Variants in DCLK2 observed in about 807,000 individuals in gnomAD.
The protein encoded by DCLK2 is serine/threonine-protein kinase DCLK2.
Under a neutral mutation model 78.4 loss-of-function variants are expected in DCLK2, and 31 were observed. The observed-to-expected ratio is 0.40, with a 90% CI of 0.30 to 0.53. The LOEUF (loss-of-function observed/expected upper bound fraction) is 0.53. Ranked by LOEUF, DCLK2 falls within the 20% of genes least tolerant of loss-of-function variation. The pLI is 0.61. For missense variants in DCLK2, 872 were observed against 973.7 expected, an observed-to-expected ratio of 0.90 and a Z score of 1.39; for synonymous variants, 407 against 374.9, an observed-to-expected ratio of 1.09 and a Z score of -0.99.
At chr4:150,122,022 A>G (rs1732584167) in intron 2 of DCLK2, among the ~76,000 whole-genome samples, 1 of 152,240 alleles carries the variant, frequency 6.6e-6, no homozygotes, top group Non-Finnish European at 1.5e-5. Context: ...TGTTCCATTT[A>G]TAGAGCACAG....
intron 2 of DCLK2, among the ~76,000 whole-genome samples, chr4:150,183,724 T>G (rs1737699059): frequency 1.3e-5 from 2 of 151,438 alleles, no homozygotes; most frequent in South Asian, 4.2e-4. Flanking sequence ...TTTTGATTTC[T>G]TTTTTTCTTT....
At chr4:150,240,563 C>A in intron 12 of DCLK2, 87 bp downstream of exon 12, 4 of 868,346 alleles carry the variant, frequency 4.6e-6, no homozygotes, top group East Asian at 4.7e-5. Flanking sequence ...GAAGTCGGGA[C>A]TGTTTGGTCA....
intron 2 of DCLK2, among the ~76,000 whole-genome samples, chr4:150,190,797 C>A (rs118183333): frequency 6.6e-6 from 1 of 151,924 alleles, no homozygotes; most frequent in Non-Finnish European, 1.5e-5. Flanking sequence ...GTGTGGTCTG[C>A]GAATTACAGC....
At chr4:150,122,813 T>A (rs937653333) in intron 2 of DCLK2, among the ~76,000 whole-genome samples, 17 of 152,254 alleles carry the variant, frequency 1.1e-4, no homozygotes, top group African/African-American at 3.9e-4. Context: ...ATCTTCTGGA[T>A]AACTTGCTGC....
chr4:150,239,525 C>G (rs1176104696), intron 10 of DCLK2, among the ~76,000 whole-genome samples: 2 of 151,832 alleles, frequency 1.3e-5, no homozygotes, highest in Non-Finnish European at 2.9e-5. Context: ...TTACTTCAGC[C>G]CAGAGGTTGA....
At chr4:150,253,685 C>T (rs1465611288) in intron 15 of DCLK2, 62 of 1,211,682 alleles carry the variant, frequency 5.1e-5, no homozygotes, top group Non-Finnish European at 6.3e-5. Context: ...TTTGTACCTA[C>T]TCACATCCTT....
intron 8 of DCLK2, among the ~76,000 whole-genome samples, chr4:150,227,580 G>T (rs770330359): frequency 2.0e-5 from 3 of 152,208 alleles, no homozygotes; most frequent in Admixed American, 2.0e-4. Context: ...CAGAAAGCAC[G>T]TTGGGCCCTT....
intron 10 of DCLK2, among the ~76,000 whole-genome samples, chr4:150,233,121 A>T (rs2126573875): frequency 6.6e-6 from 1 of 152,340 alleles, no homozygotes. Context: ...CACAGGCTTA[A>T]CAGGAAGGCC....
chr4:150,243,373 T>C (rs1743066926), intron 12 of DCLK2, among the ~76,000 whole-genome samples: 1 of 152,250 alleles, frequency 6.6e-6, no homozygotes, highest in Non-Finnish European at 1.5e-5. Context: ...ATCTGTAATG[T>C]TAAACGTGTG....
chr4:150,216,554 G>C (rs946584093), intron 5 of DCLK2, among the ~76,000 whole-genome samples: 1 of 152,124 alleles, frequency 6.6e-6, no homozygotes. Flanking sequence ...CAGGAGAATC[G>C]CTTGAACCCG....
chr4:150,175,646 T>C (rs1009929878), intron 2 of DCLK2: 1 of 152,198 alleles, frequency 6.6e-6, no homozygotes, highest in African/African-American at 2.4e-5. Flanking sequence ...GGTGAGTCTT[T>C]GTCCCAGGCC....
intron 1 of DCLK2, among the ~76,000 whole-genome samples, chr4:150,083,190 G>C (rs1729423246): frequency 6.6e-6 from 1 of 152,198 alleles, no homozygotes; most frequent in East Asian, 1.9e-4. Flanking sequence ...CACATGTCCA[G>C]ATAACAATCA....
intron 2 of DCLK2, among the ~76,000 whole-genome samples, chr4:150,149,479 G>A (rs56849087): frequency 0.3 from 45,237 of 152,034 alleles, 6,826 homozygotes; most frequent in East Asian, 0.34. Flanking sequence ...CTTCAGCCAG[G>A]ATGTTTCACA....
In DCLK2 at chr4:150,252,009, G is replaced by A. The variant is rs549512032; in HGVS notation, c.2073+2325G>A. Among the ~76,000 whole-genome samples the A allele has an allele frequency of 3.9e-5, 6 of 152,194 alleles. No homozygotes were observed. The South Asian group carries it at 1.0e-3, about 26-fold the overall frequency. ...GTCTTTTGATGGCTTGCAGGACTTT[G>A]GGGGCGCTCTGTGCCAAAGCAGTGA... On this transcript the variant is annotated intron_variant, in intron 15 of 15. Transcript: ENST00000296550.
At chr4:150,250,506 C>A (rs951586839) in intron 15 of DCLK2, among the ~76,000 whole-genome samples, 2 of 152,020 alleles carry the variant, frequency 1.3e-5, no homozygotes, top group Admixed American at 1.3e-4. Context: ...TGGTTCTCCC[C>A]ACACACTCCC....
chr4:150,190,038 AAAAAAAAAAAAAAG>A (rs1397608605), intron 2 of DCLK2, among the ~76,000 whole-genome samples: 1 of 129,652 alleles, frequency 7.7e-6, no homozygotes, highest in Admixed American at 8.2e-5. Context: ...CTGTCTCAAA[AAAAAAAAAAAAAAG>A]GCCAAGTGTG....
At chr4:150,189,133 TG>T (rs1285096518) in intron 2 of DCLK2, among the ~76,000 whole-genome samples, 1 of 152,112 alleles carries the variant, frequency 6.6e-6, no homozygotes, top group Non-Finnish European at 1.5e-5. Context: ...CATTCAGATA[TG>T]TTTTTTAAAA....
chr4:150,206,064 GT>G, intron 5 of DCLK2, among the ~76,000 whole-genome samples: 1 of 152,286 alleles, frequency 6.6e-6, no homozygotes, highest in East Asian at 1.9e-4. Context: ...GTCATTTTCT[GT>G]TTTTGCCACT....
intron 13 of DCLK2, 47 bp from the exon 14 acceptor site, chr4:150,248,258 A>T (rs759093700): frequency 6.6e-7 from 1 of 1,518,172 alleles, no homozygotes; most frequent in Non-Finnish European, 9.1e-7. Flanking sequence ...TGCTGGAATT[A>T]CCTCCTTTCT....
Sources: allele counts gnomAD v4.1 joint callset (sites outside exome capture counted in the v4.1 genomes callset), GRCh38; gene constraint gnomAD v4.1.1; transcripts MANE v1.5; gene names NCBI Gene and HGNC (gene_info 2026-07-23, HGNC 2026-07-21).